Variants in SERINC3 observed in about 807,000 individuals in gnomAD.
The protein encoded by SERINC3 is serine incorporator 3, also known as tumor differentially expressed protein 1.
SERINC3 carries 22 observed loss-of-function variants against 52.1 expected under a neutral mutation model. The ratio of observed to expected loss-of-function variants is 0.42; its 90% CI spans 0.30 to 0.60. SERINC3 has a LOEUF of 0.60. SERINC3 is among the 20% of genes least tolerant of loss of function. The probability of loss-of-function intolerance (pLI) is 0.16; values close to 1 mark genes in which losing one functional copy is unlikely to be tolerated. For missense variants in SERINC3, 564 were observed against 584.6 expected (o/e 0.96, Z 0.36); for synonymous variants, 226 against 212.7 (o/e 1.06, Z -0.54).
chr20:44,510,900 T>C (rs1458418975), intron 4 of SERINC3, among the ~76,000 whole-genome samples: 2 of 151,860 alleles, frequency 1.3e-5, no homozygotes, highest in Non-Finnish European at 2.9e-5. Flanking sequence ...AAAACAGTAA[T>C]TAAAAGGTAG....
At position 44,521,922 on chromosome 20, in the gene SERINC3, G is replaced by A. The variant is rs1319024728; in HGVS notation, c.30C>T (p.Leu10=). 6 of 1,611,142 alleles carry A rather than the reference G, an allele frequency of 3.7e-6. No individual in the cohort carries two copies. The highest frequency in any genetic ancestry group is 4.2e-6 in the Non-Finnish European group (5 of 1,178,786). The change falls in exon 1 of 10, where the codon CTC becomes CTT. Residue 10 remains leucine (L), a synonymous_variant. Transcript: ENST00000342374. ...GGGACCCCGAACTCACCCAGCTGGC[G>A]AGGGAGAAGACACCCAGCACAGCCC... The part of the protein sequence containing the change: MGAVLGVFS[L]ASWVPCLCSG...
intron 1 of SERINC3, among the ~76,000 whole-genome samples, chr20:44,516,017 C>T (rs1356295937): frequency 2.0e-5 from 3 of 151,982 alleles, no homozygotes; most frequent in Non-Finnish European, 4.4e-5. Context: ...TAAAGAGTAA[C>T]CTAGGGCCAG....
At position 44,520,247 on chromosome 20, in the gene SERINC3, A is replaced by G. The variant is rs561057723; in HGVS notation, c.39+1666T>C. ...AAAAATTAGCTGGGCGTGGTGGCAT[A>G]CACTATAATCCCAGCTACTCCGGGA... On this transcript the variant is annotated intron_variant, in intron 1 of 9. Coordinates refer to ENST00000342374, the MANE Select transcript of SERINC3 (RefSeq NM_006811.4). Among the ~76,000 whole-genome samples, 13 of 152,254 alleles carry G rather than the reference A, an allele frequency of 8.5e-5. 1 individual carries two copies. In the South Asian group the frequency reaches 2.7e-3, roughly 32 times the overall value.
intron 4 of SERINC3, among the ~76,000 whole-genome samples, chr20:44,510,254 G>A (rs1265308001): frequency 1.3e-5 from 2 of 152,266 alleles, no homozygotes; most frequent in South Asian, 2.1e-4. Context: ...CCTGGGACCT[G>A]AGTTCCAAAT....
rs1333846628 is a variant in SERINC3 at position 44,501,304 on chromosome 20, G to C, written c.1056-4C>G. The C allele has an allele frequency of 1.9e-6, 3 of 1,612,812 alleles. No homozygotes were observed. The highest frequency in any genetic ancestry group is 1.3e-5 in the African/African-American group (1 of 74,890). Reference sequence around the variant, plus strand: ...GCTATTAGTGGAAGTGCGGATGCTGGAAAGTGATCCCAAGGAAGACAAATC... The same window carrying C: ...GCTATTAGTGGAAGTGCGGATGCTGCAAAGTGATCCCAAGGAAGACAAATC... On this transcript the variant is annotated splice_region_variant and splice_polypyrimidine_tract_variant and intron_variant, in intron 8 of 9. Coordinates refer to ENST00000342374, the MANE Select transcript of SERINC3 (RefSeq NM_006811.4).
chr20:44,498,594 T>C lies in SERINC3; in HGVS notation c.*1702A>G, dbSNP rs2064261754. On this transcript the variant is annotated 3_prime_UTR_variant, in exon 10 of 10. Coordinates refer to ENST00000342374, the MANE Select transcript of SERINC3 (RefSeq NM_006811.4). ...CCGTCTCAAAAAAAAAAATTAAAAT[T>C]GAAAAAAAAAAATTCTAATTGCTAA... 6.6e-6 allele frequency: 1 copy of C among 151,512 alleles called. No individual in the cohort carries two copies. Among genetic ancestry groups the C allele is most frequent in the African/African-American group, 2.4e-5 (1 of 41,210 alleles). The allele number at this position is 151,512 out of a possible 1,614,324, so 9.4% of individuals were successfully genotyped here. A position where few individuals can be genotyped will look rare whatever the true frequency, so the allele number is the denominator to read the frequency against.
intron 3 of SERINC3, 59 bp downstream of exon 3, chr20:44,512,739 ACTG>A: frequency 7.5e-7 from 1 of 1,331,682 alleles, no homozygotes; most frequent in Non-Finnish European, 1.0e-6. Context: ...GGCTATATTA[ACTG>A]CTGAAGGGAA....
rs1600807101 is a variant in SERINC3, at chr20:44,499,892, T to C, written c.*404A>G. On this transcript the variant is annotated 3_prime_UTR_variant, in exon 10 of 10. Transcript: ENST00000342374. ...ACTTTCATAGAGGAAAACTGTAATA[T>C]AAATGCATTTTTTTTTTTTTGCTTT... 1 of 146,084 alleles carries C rather than the reference T, an allele frequency of 6.8e-6. No individual in the cohort carries two copies. The highest frequency in any genetic ancestry group is 1.5e-5 in the Non-Finnish European group (1 of 67,370). The allele number at this position is 146,084 out of a possible 1,614,324, so 9.0% of individuals were successfully genotyped here.
At chr20:44,504,302 A>C (rs1353361136) in intron 7 of SERINC3, among the ~76,000 whole-genome samples, 2 of 152,212 alleles carry the variant, frequency 1.3e-5, no homozygotes, top group African/African-American at 4.8e-5. Context: ...ACAGAAGTTT[A>C]TCTCTATTTT....
intron 1 of SERINC3, among the ~76,000 whole-genome samples, chr20:44,521,603 G>A (rs1342411242): frequency 6.6e-6 from 1 of 152,214 alleles, no homozygotes; most frequent in African/African-American, 2.4e-5. Context: ...CCCCTCGCTG[G>A]GAGCTGTCAT....
At chr20:44,512,261 C>T (rs1382517021) in intron 3 of SERINC3, among the ~76,000 whole-genome samples, 1 of 146,950 alleles carries the variant, frequency 6.8e-6, no homozygotes, top group African/African-American at 2.5e-5. Flanking sequence ...TGCAGTGAGC[C>T]GAGATCACGC....
intron 6 of SERINC3, among the ~76,000 whole-genome samples, chr20:44,506,437 C>T (rs1034001249): frequency 1.3e-5 from 2 of 151,522 alleles, no homozygotes; most frequent in African/African-American, 4.8e-5. Flanking sequence ...AATACAAAAA[C>T]TGGCCAGGCC....
At chr20:44,517,032 G>A (rs1056479163) in intron 1 of SERINC3, among the ~76,000 whole-genome samples, 4 of 152,146 alleles carry the variant, frequency 2.6e-5, no homozygotes, top group African/African-American at 9.7e-5. Context: ...TTTATAGATG[G>A]TATCTTGTGT....
chr20:44,521,699 A>G (rs1443679015), intron 1 of SERINC3, among the ~76,000 whole-genome samples: 1 of 152,226 alleles, frequency 6.6e-6, no homozygotes, highest in Non-Finnish European at 1.5e-5. Context: ...ATGGCGGCCT[A>G]GCCTCTTCCG....
At chr20:44,515,663 T>A (rs573756209) in intron 1 of SERINC3, among the ~76,000 whole-genome samples, 322 of 152,006 alleles carry the variant, frequency 2.1e-3, no homozygotes, top group African/African-American at 4.0e-3. Flanking sequence ...TTTTATTTTT[T>A]TTTTTTTGAG....
intron 1 of SERINC3, among the ~76,000 whole-genome samples, chr20:44,519,803 G>A (rs935574192): frequency 6.6e-6 from 1 of 151,482 alleles, no homozygotes; most frequent in Non-Finnish European, 1.5e-5. Context: ...AAAAAAAAAA[G>A]AAAAATAGTA....
rs1269846896 is a variant in SERINC3 at position 44,500,298 on chromosome 20, A to G, written c.1420T>C (p.Ter474ArgextTer51). ...PLVLTSRDFS[*>R] Reference sequence around the variant, plus strand: ...TGGTGTCCTTGGCACTCAGAGGTTCAGCTGAAGTCCCGACTGGTGAGGACA... The same window carrying G: ...TGGTGTCCTTGGCACTCAGAGGTTCGGCTGAAGTCCCGACTGGTGAGGACA... The change falls in exon 10 of 10, where the codon TGA (stop) becomes CGA (arginine). Residue 474 changes from the stop codon to arginine, a stop_lost. Coordinates refer to ENST00000342374, the MANE Select transcript of SERINC3 (RefSeq NM_006811.4). 3 of 1,611,750 alleles carry G rather than the reference A, an allele frequency of 1.9e-6. No individual in the cohort carries two copies. Among genetic ancestry groups the G allele is most frequent in the Admixed American group, 3.4e-5 (2 of 59,694 alleles).
chr20:44,511,505 G>A lies in SERINC3; in HGVS notation c.396-137C>T, dbSNP rs2064347574. The A allele has an allele frequency of 6.5e-6, 4 of 615,230 alleles. No homozygotes were observed. In the Admixed American group the frequency reaches 1.2e-4, roughly 18 times the overall value. The allele number at this position is 615,230 out of a possible 1,614,324, so 38.1% of individuals were successfully genotyped here. A position where few individuals can be genotyped will look rare whatever the true frequency, so the allele number is the denominator to read the frequency against. On this transcript the variant is annotated intron_variant, in intron 3 of 9. Transcript: ENST00000342374. ...ATTGTCTGGACTATTTTCTTCATTT[G>A]ACTATTCATTTAATAGGCTAATTCA... is the stretch of plus-strand genomic sequence containing the variant.
Position 44,522,047 on chromosome 20 carries a change from C to G in SERINC3, c.-96G>C, listed in dbSNP as rs993647612. 1 of 1,343,164 alleles carries G rather than the reference C, an allele frequency of 7.4e-7. No homozygotes were observed. The allele number at this position is 1,343,164 out of a possible 1,614,324, so 83.2% of individuals were successfully genotyped here. A position where few individuals can be genotyped will look rare whatever the true frequency, so the allele number is the denominator to read the frequency against. On this transcript the variant is annotated 5_prime_UTR_variant, in exon 1 of 10. Transcript: ENST00000342374. The stretch of plus-strand genomic sequence containing the variant: ...TGACTCCCCAGAAACATGACGGTTT[C>G]TCAGGCCGGAAACGCAGCCTTCCAC...
Sources: gnomAD v4.1 joint callset for allele counts (sites outside exome capture counted in the v4.1 genomes callset) on GRCh38, gnomAD v4.1.1 for gene constraint, MANE v1.5 for transcripts, NCBI Gene and HGNC (gene_info 2026-07-23, HGNC 2026-07-21) for gene names.